Variants in MAF observed in about 807,000 individuals in gnomAD.
MAF encodes the protein transcription factor Maf.
MAF carries 10 observed loss-of-function variants against 22.0 expected under a neutral mutation model. That is an observed-to-expected ratio of 0.45 (90% CI 0.28 to 0.77). The LOEUF (loss-of-function observed/expected upper bound fraction) is 0.77. Among genes scored for constraint, MAF ranks in the 30% least tolerant of loss-of-function variants. The pLI is 0.12. For synonymous variants in MAF, 337 were observed against 255.8 expected (o/e 1.32, Z -3.03); for missense variants, 544 against 548.4 (o/e 0.99, Z 0.08).
the MAF span, among the ~76,000 whole-genome samples, chr16:79,324,001 G>C: frequency 6.6e-6 from 1 of 152,116 alleles, no homozygotes; most frequent in African/African-American, 2.4e-5. Flanking sequence ...TTCACACTGA[G>C]AATATAAGCT....
the MAF span, among the ~76,000 whole-genome samples, chr16:79,252,285 C>G: frequency 2.6e-5 from 4 of 151,076 alleles, no homozygotes; most frequent in African/African-American, 9.7e-5. Context: ...TCCAATAAAA[C>G]TTTATTTATT....
At chr16:79,433,677 C>T in the MAF span, among the ~76,000 whole-genome samples, 1 of 152,104 alleles carries the variant, frequency 6.6e-6, no homozygotes, top group Non-Finnish European at 1.5e-5. Flanking sequence ...TGTTACTGTT[C>T]TCAACTGACC....
chr16:79,457,946 G>A, the MAF span, among the ~76,000 whole-genome samples: 205 of 152,194 alleles, frequency 1.3e-3, 2 homozygotes, highest in African/African-American at 4.8e-3. Flanking sequence ...GTTGACTGTA[G>A]AACATTTTTA....
the MAF span, among the ~76,000 whole-genome samples, chr16:79,443,233 TA>T: frequency 6.6e-6 from 1 of 152,304 alleles, no homozygotes; most frequent in East Asian, 1.9e-4. Context: ...GGCAAACTGT[TA>T]AACTGGGACA....
chr16:79,423,831 T>C, the MAF span, among the ~76,000 whole-genome samples: 1 of 152,200 alleles, frequency 6.6e-6, no homozygotes. Context: ...TCCACCTTTC[T>C]ATTTTGTGAT....
At chr16:79,212,402 C>G in the MAF span, 14 of 430,054 alleles carry the variant, frequency 3.3e-5, 1 homozygote, top group Non-Finnish European at 4.1e-5. Context: ...AAGTACTTGT[C>G]ATAGACTCCT....
At chr16:79,496,707 A>G in the MAF span, among the ~76,000 whole-genome samples, 1 of 152,194 alleles carries the variant, frequency 6.6e-6, no homozygotes, top group Non-Finnish European at 1.5e-5. Context: ...AGATGCTTCA[A>G]TGCAAGCACA....
At chr16:79,325,221 C>T in the MAF span, among the ~76,000 whole-genome samples, 10 of 152,122 alleles carry the variant, frequency 6.6e-5, no homozygotes, top group Non-Finnish European at 1.3e-4. Context: ...ACTACACAGG[C>T]AAATACTTTC....
chr16:79,514,298 A>G, the MAF span, among the ~76,000 whole-genome samples: 1 of 152,230 alleles, frequency 6.6e-6, no homozygotes, highest in Non-Finnish European at 1.5e-5. Context: ...GTGTAGCAGA[A>G]TTCTTTTAAA....
At chr16:79,274,677 T>G in the MAF span, among the ~76,000 whole-genome samples, 2 of 152,142 alleles carry the variant, frequency 1.3e-5, no homozygotes, top group African/African-American at 4.8e-5. Flanking sequence ...GGGTTGAGCT[T>G]AAGCTGCAAA....
At chr16:79,227,074 G>A in the MAF span, among the ~76,000 whole-genome samples, 4 of 152,006 alleles carry the variant, frequency 2.6e-5, no homozygotes, top group Admixed American at 1.3e-4. Context: ...TAACTGGCTG[G>A]GCCAGTTAAT....
the MAF span, among the ~76,000 whole-genome samples, chr16:79,512,412 T>A: frequency 6.6e-6 from 1 of 152,036 alleles, no homozygotes; most frequent in Admixed American, 6.6e-5. Context: ...GGGTTGGGGG[T>A]CCACTCCTAG....
the MAF span, among the ~76,000 whole-genome samples, chr16:79,393,798 G>A: frequency 1.5e-3 from 230 of 152,282 alleles, no homozygotes; most frequent in African/African-American, 5.4e-3. Context: ...ATCAAAAGAG[G>A]TGTTTACGGA....
At chr16:79,361,339 C>T in the MAF span, among the ~76,000 whole-genome samples, 1 of 152,122 alleles carries the variant, frequency 6.6e-6, no homozygotes, top group Admixed American at 6.5e-5. Flanking sequence ...GTGGAAATCA[C>T]CAATGATTGG....
At chr16:79,518,305 C>A in the MAF span, among the ~76,000 whole-genome samples, 1 of 152,204 alleles carries the variant, frequency 6.6e-6, no homozygotes, top group Non-Finnish European at 1.5e-5. Context: ...CTTGGGAAGC[C>A]ATTCGATGGC....
chr16:79,245,949 A>T, the MAF span, among the ~76,000 whole-genome samples: 2 of 152,034 alleles, frequency 1.3e-5, no homozygotes, highest in Non-Finnish European at 2.9e-5. Context: ...CAGCAAACTA[A>T]CACAAGAACA....
the MAF span, among the ~76,000 whole-genome samples, chr16:79,494,078 T>C: frequency 6.6e-6 from 1 of 152,196 alleles, no homozygotes; most frequent in East Asian, 1.9e-4. Flanking sequence ...ATGTTTAGCC[T>C]AGCCAGGAAT....
chr16:79,327,243 G>A, the MAF span, among the ~76,000 whole-genome samples: 1 of 152,234 alleles, frequency 6.6e-6, no homozygotes, highest in East Asian at 1.9e-4. Flanking sequence ...AGTGCCTGTG[G>A]TGGAGGGTAT....
the MAF span, chr16:79,206,500 G>C: frequency 1.3e-5 from 2 of 152,204 alleles, no homozygotes; most frequent in African/African-American, 4.8e-5. Context: ...AGCTCTGTGA[G>C]GGTTAGGCAA....
Sources: allele counts gnomAD v4.1 joint callset (sites outside exome capture counted in the v4.1 genomes callset), GRCh38; gene constraint gnomAD v4.1.1; transcripts MANE v1.5; gene names NCBI Gene and HGNC (gene_info 2026-07-23, HGNC 2026-07-21).